SLC25A48: variants seen among roughly 807,000 people sequenced by gnomAD.
SLC25A48 encodes the protein CTC-321K16.1.
In SLC25A48, 29 loss-of-function variants were observed where a neutral mutation model predicts 32.2. That is an observed-to-expected ratio of 0.90 (90% CI 0.67 to 1.23). The LOEUF is 1.23. SLC25A48 is among the 50% of genes most tolerant of loss of function. SLC25A48 has a pLI of 0.00. For missense variants in SLC25A48, 399 were observed against 422.7 expected, an observed-to-expected ratio of 0.94 and a Z score of 0.49; for synonymous variants, 164 against 172.3, an observed-to-expected ratio of 0.95 and a Z score of 0.38.
chr5:135,670,530 C>G lies in SLC25A48; in HGVS notation c.-521+35574C>G, dbSNP rs1303325870. On this transcript the variant is annotated intron_variant, in intron 3 of 10. Coordinates refer to the SLC25A48 transcript ENST00000646290. ...CACTGGCAGTATCACTCTAGGCAAACCACTTAACCATTTTGAGCCTCAGTT... is the reference window on the plus strand; with the variant it reads ...CACTGGCAGTATCACTCTAGGCAAAGCACTTAACCATTTTGAGCCTCAGTT... Among the ~76,000 whole-genome samples, 15 of 152,162 alleles carry G rather than the reference C, an allele frequency of 9.9e-5. 1 individual carries two copies. Among genetic ancestry groups the G allele is most frequent in the Admixed American group, 9.8e-4 (15 of 15,278 alleles).
At chr5:135,610,162 G>T (rs1024746304) in intron 1 of SLC25A48, among the ~76,000 whole-genome samples, 2 of 152,140 alleles carry the variant, frequency 1.3e-5, no homozygotes, top group African/African-American at 2.4e-5. Context: ...GCCCAGGAAA[G>T]GGGGGCACGG....
rs116028331 is a variant in SLC25A48, at chr5:135,786,602, T to G, written c.-520-25921T>G. Among the ~76,000 whole-genome samples, 1,394 of 152,244 alleles carry G rather than the reference T, an allele frequency of 9.2e-3. 9 individuals are homozygous for G. The highest frequency in any genetic ancestry group is 0.015 in the Non-Finnish European group (1,009 of 67,984). On this transcript the variant is annotated intron_variant, in intron 3 of 10. Transcript: ENST00000646290. ...ATGTTACTTCTAATGTCACAGTGAT[T>G]GTACACAATGTACGGTTACCCCTAG...
chr5:135,888,346 C>T lies in SLC25A48; in HGVS notation c.*322C>T, dbSNP rs140977650. 149 of 389,232 alleles carry T rather than the reference C, an allele frequency of 3.8e-4. No individual in the cohort carries two copies. Among genetic ancestry groups the T allele is most frequent in the African/African-American group, 2.7e-3 (137 of 50,082 alleles). 24.1% of individuals were successfully genotyped at this position (389,232 alleles called of 1,614,324 possible). A position where few individuals can be genotyped will look rare whatever the true frequency, so the allele number is the denominator to read the frequency against. ...GGGAGCCAGAAACCACCCAGAGAAA[C>T]GTTGCTTCACTCCTCTGTCTGAGGA... On this transcript the variant is annotated 3_prime_UTR_variant, in exon 8 of 8. Coordinates refer to ENST00000681962, the MANE Select transcript of SLC25A48 (RefSeq NM_001349336.2).
intron 4 of SLC25A48, among the ~76,000 whole-genome samples, chr5:135,866,106 A>C (rs80177493): frequency 0.13 from 20,399 of 152,216 alleles, 1,782 homozygotes; most frequent in Middle Eastern, 0.2. Flanking sequence ...AGTGACCCAT[A>C]GGGCCTCATT....
chr5:135,824,582 C>G (rs1757979596), intron 4 of SLC25A48: 2 of 152,290 alleles, frequency 1.3e-5, no homozygotes, highest in African/African-American at 4.8e-5. Context: ...TGCCTTTCTT[C>G]TGCACCTATG....
At chr5:135,861,317 A>G (rs987265839) in intron 4 of SLC25A48, among the ~76,000 whole-genome samples, 12 of 116,670 alleles carry the variant, frequency 1.0e-4, no homozygotes, top group African/African-American at 5.6e-4. Flanking sequence ...ACACACGCAC[A>G]CACACACACA....
intron 4 of SLC25A48, among the ~76,000 whole-genome samples, chr5:135,856,859 C>T (rs895896092): frequency 2.6e-5 from 4 of 152,242 alleles, no homozygotes; most frequent in Non-Finnish European, 5.9e-5. Flanking sequence ...TGTGCTGGCT[C>T]TTTGCTCTAT....
chr5:135,701,467 T>C (rs1580797114), intron 3 of SLC25A48, among the ~76,000 whole-genome samples: 1 of 151,414 alleles, frequency 6.6e-6, no homozygotes, highest in Non-Finnish European at 1.5e-5. Flanking sequence ...GGAACATAAC[T>C]CCCCCCCGCC....
At position 135,871,708 on chromosome 5, in the gene SLC25A48, C is replaced by T. The variant is rs769095937; in HGVS notation, c.669C>T (p.Gly223=). The T allele has an allele frequency of 1.4e-5, 22 of 1,613,328 alleles. No individual in the cohort carries two copies. The highest frequency in any genetic ancestry group is 1.3e-4 in the Admixed American group (8 of 59,960). The change falls in exon 5 of 8, where the codon GGC becomes GGT. Residue 223 remains glycine, a synonymous_variant. Coordinates refer to ENST00000681962, the MANE Select transcript of SLC25A48 (RefSeq NM_001349336.2). The part of the protein sequence containing the change: ...GPSPCAVWLA[G]GMAGAISWGT... ...GCCCCTGTGCCGTGTGGCTGGCGGG[C>T]GGCATGGCAGGTAAGGGCAGCAGCA...
chr5:135,863,460 C>G (rs1198061370), intron 4 of SLC25A48, among the ~76,000 whole-genome samples: 1 of 152,148 alleles, frequency 6.6e-6, no homozygotes, highest in Non-Finnish European at 1.5e-5. Context: ...ATGCAAACAC[C>G]AAGCGAGCTG....
In SLC25A48 at chr5:135,862,673, T is replaced by C. The variant is rs369702682; in HGVS notation, c.422-8788T>C. ...AGAAAGGAAGAGGCTGTTGATCGGGTTTTTTAGTTCTACGTAGCATTTAGA... is the reference window on the plus strand; with the variant it reads ...AGAAAGGAAGAGGCTGTTGATCGGGCTTTTTAGTTCTACGTAGCATTTAGA... On this transcript the variant is annotated intron_variant, in intron 4 of 7. Transcript: ENST00000681962. Among the ~76,000 whole-genome samples the C allele has an allele frequency of 6.6e-5, 10 of 152,064 alleles. No individual in the cohort carries two copies. In the East Asian group the frequency reaches 1.7e-3, roughly 26 times the overall value.
intron 4 of SLC25A48, among the ~76,000 whole-genome samples, chr5:135,820,524 A>C (rs768493863): frequency 6.6e-6 from 1 of 152,224 alleles, no homozygotes; most frequent in Non-Finnish European, 1.5e-5. Context: ...AATGAAGTTG[A>C]ATTTTTAAGA....
At chr5:135,625,631 G>A (rs1752425584) in intron 1 of SLC25A48, among the ~76,000 whole-genome samples, 1 of 152,146 alleles carries the variant, frequency 6.6e-6, no homozygotes, top group African/African-American at 2.4e-5. Flanking sequence ...TTTCCTATTT[G>A]GTATGCATCT....
intron 4 of SLC25A48, among the ~76,000 whole-genome samples, chr5:135,870,515 A>G (rs1761552017): frequency 6.6e-6 from 1 of 152,200 alleles, no homozygotes; most frequent in Non-Finnish European, 1.5e-5. Context: ...CTGAGCTGCC[A>G]GCATAGACTA....
intron 3 of SLC25A48, among the ~76,000 whole-genome samples, chr5:135,690,416 G>C (rs558138580): frequency 7.2e-5 from 11 of 152,272 alleles, no homozygotes; most frequent in African/African-American, 2.6e-4. Flanking sequence ...CTCCAGAGGG[G>C]CCTTGAAGAA....
intron 3 of SLC25A48, among the ~76,000 whole-genome samples, chr5:135,767,185 A>ACCCC (rs1280846238): frequency 1.8e-5 from 1 of 56,050 alleles, no homozygotes; most frequent in Non-Finnish European, 4.7e-5. Context: ...CAGGACAGGT[A>ACCCC]CACCCCCCCC....
chr5:135,719,198 A>T (rs2126981038), intron 3 of SLC25A48, among the ~76,000 whole-genome samples: 1 of 152,364 alleles, frequency 6.6e-6, no homozygotes, highest in East Asian at 1.9e-4. Context: ...TAGAAATGTA[A>T]ACACAGTAAG....
chr5:135,615,517 A>G (rs967123405), intron 1 of SLC25A48, among the ~76,000 whole-genome samples: 6 of 152,228 alleles, frequency 3.9e-5, no homozygotes, highest in African/African-American at 1.4e-4. Flanking sequence ...CATTTAAGAT[A>G]TGGCCTGGCT....
intron 7 of SLC25A48, among the ~76,000 whole-genome samples, chr5:135,880,746 A>G (rs960141395): frequency 6.6e-6 from 1 of 151,484 alleles, no homozygotes; most frequent in African/African-American, 2.4e-5. Flanking sequence ...ACTGTTCTGA[A>G]TGTCCCGCCG....
Sources: allele counts gnomAD v4.1 joint callset (sites outside exome capture counted in the v4.1 genomes callset), GRCh38; gene constraint gnomAD v4.1.1; transcripts MANE v1.5; gene names NCBI Gene and HGNC (gene_info 2026-07-23, HGNC 2026-07-21).